Variants in CADPS observed in about 807,000 individuals in gnomAD.
CADPS encodes calcium dependent secretion activator.
In CADPS, 57 loss-of-function variants were observed where a neutral mutation model predicts 167.3. The ratio of observed to expected loss-of-function variants is 0.34; its 90% CI spans 0.28 to 0.42. The LOEUF (loss-of-function observed/expected upper bound fraction) is 0.42, where lower values mean the gene tolerates loss of function less well. Ranked by LOEUF, CADPS falls within the 20% of genes least tolerant of loss-of-function variation. The pLI is 1.00. For missense variants in CADPS, 1,414 were observed against 1,738.1 expected (o/e 0.81, Z 3.32); for synonymous variants, 676 against 635.3 (o/e 1.06, Z -0.96).
intron 3 of CADPS, among the ~76,000 whole-genome samples, chr3:62,664,717 T>A (rs2074080828): frequency 6.6e-6 from 1 of 152,206 alleles, no homozygotes; most frequent in Non-Finnish European, 1.5e-5. Context: ...TTAGGAGAAT[T>A]TCGTCGGAAG....
chr3:62,639,997 T>C (rs1376196669), intron 6 of CADPS, among the ~76,000 whole-genome samples: 2 of 152,196 alleles, frequency 1.3e-5, no homozygotes, highest in Admixed American at 6.5e-5. Flanking sequence ...TACCCTTATA[T>C]ATTCATTTGT....
At chr3:62,771,094 AAT>A (rs1232299453) in intron 1 of CADPS, among the ~76,000 whole-genome samples, 5 of 152,170 alleles carry the variant, frequency 3.3e-5, no homozygotes, top group African/African-American at 9.7e-5. Flanking sequence ...TCTCTACAAG[AAT>A]ATATGTTTCA....
chr3:62,498,276 T>A (rs1385123459), intron 18 of CADPS: 1 of 420,328 alleles, frequency 2.4e-6, no homozygotes, highest in Admixed American at 2.7e-5. Context: ...TTAACTATAC[T>A]GGCAATTTCC....
chr3:62,848,918 A>C (rs1372479239), intron 1 of CADPS, among the ~76,000 whole-genome samples: 1 of 122,304 alleles, frequency 8.2e-6, no homozygotes, highest in African/African-American at 3.2e-5. Context: ...ATGAGCATGG[A>C]ATGTTCTTCC....
intron 1 of CADPS, among the ~76,000 whole-genome samples, chr3:62,774,221 G>A (rs989469771): frequency 6.6e-6 from 1 of 151,932 alleles, no homozygotes; most frequent in African/African-American, 2.4e-5. Flanking sequence ...TCACCCTTCC[G>A]GCCACAAAGC....
At chr3:62,678,798 G>C (rs2076694234) in intron 3 of CADPS, among the ~76,000 whole-genome samples, 1 of 152,054 alleles carries the variant, frequency 6.6e-6, no homozygotes, top group South Asian at 2.1e-4. Flanking sequence ...TGGTGTTCAG[G>C]AATTGGAGAC....
At chr3:62,632,170 A>G (rs1425122984) in intron 6 of CADPS, among the ~76,000 whole-genome samples, 1 of 152,218 alleles carries the variant, frequency 6.6e-6, no homozygotes, top group Non-Finnish European at 1.5e-5. Context: ...TCATATGCAT[A>G]TATCTCTGGA....
rs77866430 is a variant in CADPS, at chr3:62,716,364, A to C, written c.888+37077T>G. Among the ~76,000 whole-genome samples the C allele has an allele frequency of 3.8e-3, 585 of 152,320 alleles. 4 individuals are homozygous for C. The highest frequency in any genetic ancestry group is 0.013 in the African/African-American group (526 of 41,568). ...CCATTGTGCCTGGCCTATGATAATAAATCTAGATTTAGTAGAGAATGGTAG... is the reference window on the plus strand; with the variant it reads ...CCATTGTGCCTGGCCTATGATAATACATCTAGATTTAGTAGAGAATGGTAG... On this transcript the variant is annotated intron_variant, in intron 3 of 29. Transcript: ENST00000383710.
intron 3 of CADPS, among the ~76,000 whole-genome samples, chr3:62,712,433 T>C (rs2083578036): frequency 6.6e-6 from 1 of 152,240 alleles, no homozygotes; most frequent in Non-Finnish European, 1.5e-5. Context: ...TATTCATTTC[T>C]TTGTGTACTC....
At chr3:62,578,187 CTT>C (rs34788967) in intron 8 of CADPS, among the ~76,000 whole-genome samples, 96,631 of 142,510 alleles carry the variant, frequency 0.68, 34,296 homozygotes, top group South Asian at 0.8. Context: ...CATGCTAACA[CTT>C]TTTTTTTTTT....
intron 3 of CADPS, among the ~76,000 whole-genome samples, chr3:62,741,448 G>C (rs2080224491): frequency 6.6e-6 from 1 of 152,250 alleles, no homozygotes; most frequent in South Asian, 2.1e-4. Flanking sequence ...ACTTCAACCT[G>C]GGATGCAAGT....
At chr3:62,653,224 T>A (rs1024973411) in intron 4 of CADPS, among the ~76,000 whole-genome samples, 2 of 152,152 alleles carry the variant, frequency 1.3e-5, no homozygotes, top group Admixed American at 1.3e-4. Flanking sequence ...TTATGGTATT[T>A]GAAGATGGGC....
At chr3:62,520,483 C>G (rs2070232913) in intron 13 of CADPS, among the ~76,000 whole-genome samples, 1 of 152,190 alleles carries the variant, frequency 6.6e-6, no homozygotes, top group African/African-American at 2.4e-5. Context: ...TTTCTGAACA[C>G]TATTAATCTC....
At position 62,478,445 on chromosome 3, in the gene CADPS, G is replaced by A. The variant is rs749499169; in HGVS notation, c.3174-29C>T. On this transcript the variant is annotated intron_variant, in intron 22 of 29. Coordinates refer to ENST00000383710, the MANE Select transcript of CADPS (RefSeq NM_003716.4). The surrounding 1 kb of genome is among the most constrained non-coding windows in gnomAD (Gnocchi z 5.7). Reference sequence around the variant, plus strand: ...GCAGGACAAAAATTAGAAAATGAGAGTCACCCACTGGCCTCAGGCTCTACA... The same window carrying A: ...GCAGGACAAAAATTAGAAAATGAGAATCACCCACTGGCCTCAGGCTCTACA... 28 of 1,599,460 alleles carry A rather than the reference G, an allele frequency of 1.8e-5. No individual in the cohort carries two copies. The South Asian group carries it at 2.8e-4, about 16-fold the overall frequency.
intron 1 of CADPS, among the ~76,000 whole-genome samples, chr3:62,873,735 A>G (rs941751043): frequency 2.7e-5 from 4 of 150,580 alleles, no homozygotes; most frequent in Non-Finnish European, 5.9e-5. Flanking sequence ...GCTGTACTTT[A>G]TCAAGGCAGC....
chr3:62,739,216 G>A (rs1332937540), intron 3 of CADPS, among the ~76,000 whole-genome samples: 1 of 152,150 alleles, frequency 6.6e-6, no homozygotes, highest in East Asian at 1.9e-4. Flanking sequence ...ATGGCCATGT[G>A]AAAAAGTCCA....
intron 28 of CADPS, among the ~76,000 whole-genome samples, chr3:62,428,789 T>G (rs2053316342): frequency 6.6e-6 from 1 of 152,144 alleles, no homozygotes; most frequent in African/African-American, 2.4e-5. Flanking sequence ...TGGGGATGAT[T>G]TTGCCCCCCA....
At chr3:62,741,541 G>GA (rs1348584530) in intron 3 of CADPS, among the ~76,000 whole-genome samples, 1 of 152,160 alleles carries the variant, frequency 6.6e-6, no homozygotes, top group East Asian at 1.9e-4. Flanking sequence ...TATCTCAATA[G>GA]ATGCAGAAAA....
At chr3:62,570,186 G>T (rs1490887931) in intron 9 of CADPS, among the ~76,000 whole-genome samples, 1 of 150,914 alleles carries the variant, frequency 6.6e-6, no homozygotes, top group East Asian at 1.9e-4. Context: ...TAAATAACTT[G>T]TGTGGAAAAA....
Sources: allele counts gnomAD v4.1 joint callset (sites outside exome capture counted in the v4.1 genomes callset), GRCh38; gene constraint gnomAD v4.1.1; non-coding constraint Gnocchi (gnomAD v3.1); transcripts MANE v1.5; gene names NCBI Gene and HGNC (gene_info 2026-07-23, HGNC 2026-07-21).